GPR137C: variants seen among roughly 807,000 people sequenced by gnomAD.
GPR137C encodes G protein-coupled receptor 137C, also known as integral membrane protein GPR137C.
GPR137C carries 27 observed loss-of-function variants against 43.4 expected under a neutral mutation model. The ratio of observed to expected loss-of-function variants is 0.62; its 90% CI spans 0.46 to 0.86. The LOEUF is 0.86. Among genes scored for constraint, GPR137C ranks in the 40% least tolerant of loss-of-function variants. The probability of loss-of-function intolerance (pLI) is 0.00; values close to 1 mark genes in which losing one functional copy is unlikely to be tolerated. For synonymous variants in GPR137C, 285 were observed against 226.9 expected, an observed-to-expected ratio of 1.26 and a Z score of -2.30; for missense variants, 522 against 534.6, an observed-to-expected ratio of 0.98 and a Z score of 0.23.
At chr14:52,555,843 A>G (rs1055549004) in intron 1 of GPR137C, among the ~76,000 whole-genome samples, 2 of 152,282 alleles carry the variant, frequency 1.3e-5, no homozygotes, top group Non-Finnish European at 2.9e-5. Flanking sequence ...CAAATTGTCA[A>G]TTTTTTGAAA....
intron 1 of GPR137C, among the ~76,000 whole-genome samples, chr14:52,583,892 A>G (rs778724791): frequency 1.7e-4 from 26 of 152,152 alleles, no homozygotes; most frequent in Non-Finnish European, 2.4e-4. Flanking sequence ...TGAGCCACCC[A>G]GTAGCATGAC....
intron 1 of GPR137C, among the ~76,000 whole-genome samples, chr14:52,583,327 A>G (rs2038673192): frequency 1.3e-5 from 2 of 152,216 alleles, no homozygotes; most frequent in African/African-American, 4.8e-5. Context: ...TCTATAATAT[A>G]CTTGGAATCT....
chr14:52,593,227 G>A (rs1308648669), intron 1 of GPR137C, among the ~76,000 whole-genome samples: 2 of 152,178 alleles, frequency 1.3e-5, no homozygotes, highest in Non-Finnish European at 2.9e-5. Context: ...GCTGGATTCA[G>A]TTTGCCAGTA....
intron 1 of GPR137C, among the ~76,000 whole-genome samples, chr14:52,562,722 A>G (rs2038305191): frequency 6.6e-6 from 1 of 152,248 alleles, no homozygotes; most frequent in Non-Finnish European, 1.5e-5. Context: ...TAAAAATACT[A>G]TATATCAGAA....
chr14:52,609,421 T>A (rs2039015518), intron 3 of GPR137C, among the ~76,000 whole-genome samples: 1 of 152,234 alleles, frequency 6.6e-6, no homozygotes, highest in African/African-American at 2.4e-5. Flanking sequence ...CCTTATTTTA[T>A]CCATTTGATG....
intron 1 of GPR137C, among the ~76,000 whole-genome samples, chr14:52,581,226 A>G (rs1594788980): frequency 6.7e-6 from 1 of 149,462 alleles, no homozygotes; most frequent in East Asian, 2.0e-4. Context: ...TGTTAACCAT[A>G]TGATAGACAT....
intron 1 of GPR137C, among the ~76,000 whole-genome samples, chr14:52,582,757 G>A (rs2038664108): frequency 6.6e-6 from 1 of 152,026 alleles, no homozygotes; most frequent in Non-Finnish European, 1.5e-5. Flanking sequence ...TCATGGCAGT[G>A]CACTCCAGCC....
intron 1 of GPR137C, among the ~76,000 whole-genome samples, chr14:52,563,019 C>G (rs953718618): frequency 2.0e-5 from 3 of 152,190 alleles, no homozygotes; most frequent in Non-Finnish European, 2.9e-5. Flanking sequence ...GCCTTCCCCC[C>G]ATCAGTCTAC....
intron 1 of GPR137C, among the ~76,000 whole-genome samples, chr14:52,564,943 A>T (rs1377575097): frequency 6.6e-6 from 1 of 151,470 alleles, no homozygotes; most frequent in Non-Finnish European, 1.5e-5. Context: ...CAAAAAAAAA[A>T]TGCTTGCTTT....
intron 3 of GPR137C, among the ~76,000 whole-genome samples, chr14:52,606,919 C>A (rs528170626): frequency 7.4e-4 from 112 of 152,120 alleles, no homozygotes; most frequent in African/African-American, 2.7e-3. Context: ...TTGATGGAGG[C>A]ATTTACTTCT....
chr14:52,619,159 A>G (rs1027822888), intron 3 of GPR137C, among the ~76,000 whole-genome samples: 4 of 152,196 alleles, frequency 2.6e-5, no homozygotes, highest in Non-Finnish European at 5.9e-5. Context: ...TCAGAGACAC[A>G]GTAACATTCA....
chr14:52,586,097 G>A (rs1332475810), intron 1 of GPR137C, among the ~76,000 whole-genome samples: 1 of 152,194 alleles, frequency 6.6e-6, no homozygotes, highest in African/African-American at 2.4e-5. Flanking sequence ...CAGGGAGAGA[G>A]AGGGAGAGTT....
chr14:52,598,316 G>A lies in GPR137C; in HGVS notation c.488+1G>A. ...GTGCCACTGAACTTGACAGACACAA[G>A]TAAGTTTTATGAGTATCTAAATTTC... is the stretch of plus-strand genomic sequence containing the variant. On this transcript the variant is annotated splice_donor_variant, in intron 2 of 6. Transcript: ENST00000321662. LOFTEE classifies it high-confidence loss of function. The A allele has an allele frequency of 7.5e-7, 1 of 1,341,496 alleles. No homozygotes were observed. The highest frequency in any genetic ancestry group is 1.0e-6 in the Non-Finnish European group (1 of 974,266). 83.1% of individuals were successfully genotyped at this position (1,341,496 alleles called of 1,614,324 possible). A position where few individuals can be genotyped will look rare whatever the true frequency, so the allele number is the denominator to read the frequency against.
At chr14:52,579,114 C>G (rs1396834131) in intron 1 of GPR137C, among the ~76,000 whole-genome samples, 1 of 152,108 alleles carries the variant, frequency 6.6e-6, no homozygotes, top group African/African-American at 2.4e-5. Context: ...AAAAAATATT[C>G]TAATCTTTCA....
At chr14:52,627,806 T>C (rs2039246266) in intron 3 of GPR137C, among the ~76,000 whole-genome samples, 1 of 152,144 alleles carries the variant, frequency 6.6e-6, no homozygotes. Context: ...ATCACACCAC[T>C]GCACTCCAGC....
intron 1 of GPR137C, among the ~76,000 whole-genome samples, chr14:52,579,883 G>A (rs4901286): frequency 0.13 from 20,014 of 152,138 alleles, 1,401 homozygotes; most frequent in Non-Finnish European, 0.15. Context: ...AATACCAAAT[G>A]TCAAGATTCC....
intron 3 of GPR137C, among the ~76,000 whole-genome samples, chr14:52,624,505 T>C (rs1158135765): frequency 6.6e-6 from 1 of 151,458 alleles, no homozygotes; most frequent in Non-Finnish European, 1.5e-5. Context: ...AGACAGACAG[T>C]TTGAACTCAG....
chr14:52,563,108 T>G (rs552834645), intron 1 of GPR137C, among the ~76,000 whole-genome samples: 1 of 152,130 alleles, frequency 6.6e-6, no homozygotes, highest in South Asian at 2.1e-4. Flanking sequence ...TCATTCAAAT[T>G]AACTTCTCAG....
At chr14:52,556,391 C>CTTTTTTTTTTTTTTTT (rs76210630) in intron 1 of GPR137C, among the ~76,000 whole-genome samples, 1 of 140,276 alleles carries the variant, frequency 7.1e-6, no homozygotes. Context: ...CCCCTTTTTT[C>CTTTTTTTTTTTTTTTT]TTTTTTTTTT....
Sources: gnomAD v4.1 joint callset for allele counts (sites outside exome capture counted in the v4.1 genomes callset) on GRCh38, gnomAD v4.1.1 for gene constraint, MANE v1.5 for transcripts, NCBI Gene and HGNC (gene_info 2026-07-23, HGNC 2026-07-21) for gene names.